Variants in E2F7 observed in about 807,000 individuals in gnomAD.
The protein encoded by E2F7 is E2F transcription factor 7, also known as transcription factor E2F7.
In E2F7, 35 loss-of-function variants were observed where a neutral mutation model predicts 81.1. The ratio of observed to expected loss-of-function variants is 0.43; its 90% CI spans 0.33 to 0.57. E2F7 has a LOEUF of 0.57. E2F7 is among the 20% of genes least tolerant of loss of function. E2F7 has a pLI of 0.04. For synonymous variants in E2F7, 416 were observed against 416.2 expected (o/e 1.00, Z 0.01); for missense variants, 961 against 1,093.7 (o/e 0.88, Z 1.71).
chr12:77,033,724 G>T, intron 8 of E2F7, 133 bp downstream of exon 8: 1 of 837,686 alleles, frequency 1.2e-6, no homozygotes. Flanking sequence ...TAAGTAAAAA[G>T]TAGACCACTG....
At chr12:77,046,456 T>C (rs1192788764) in intron 4 of E2F7, 128 bp from the exon 5 acceptor site, 20 of 991,878 alleles carry the variant, frequency 2.0e-5, no homozygotes, top group Non-Finnish European at 2.6e-5. Flanking sequence ...ACTGCGTGGA[T>C]GCTCAAGGAA....
At chr12:77,030,815 A>G (rs962045287) in intron 9 of E2F7, among the ~76,000 whole-genome samples, 1 of 152,152 alleles carries the variant, frequency 6.6e-6, no homozygotes, top group Admixed American at 6.5e-5. Context: ...GCTGGGCCCC[A>G]TGCCCACATC....
chr12:77,064,538 C>T lies in E2F7; in HGVS notation c.93+5G>A, dbSNP rs763742415. 1 of 1,613,448 alleles carries T rather than the reference C, an allele frequency of 6.2e-7. No homozygotes were observed. On this transcript the variant is annotated splice_donor_5th_base_variant and intron_variant, in intron 2 of 12. Coordinates refer to ENST00000322886, the MANE Select transcript of E2F7 (RefSeq NM_203394.3). Reference sequence around the variant, plus strand: ...TTAGAAACTAAGGTGTTTATGTTTGCTTACCTTTTGTGCATTTTCCCCATC... The same window carrying T: ...TTAGAAACTAAGGTGTTTATGTTTGTTTACCTTTTGTGCATTTTCCCCATC...
chr12:77,042,902 A>C (rs983751325), intron 7 of E2F7, among the ~76,000 whole-genome samples, 163 bp downstream of exon 7: 1 of 152,218 alleles, frequency 6.6e-6, no homozygotes, highest in Non-Finnish European at 1.5e-5. Flanking sequence ...CAGCATGCAC[A>C]ATTTGTAGGC....
chr12:77,054,338 C>CA (rs1955014024), intron 3 of E2F7, among the ~76,000 whole-genome samples: 1 of 151,032 alleles, frequency 6.6e-6, no homozygotes, highest in Non-Finnish European at 1.5e-5. Context: ...TACACACACA[C>CA]AAAAAAATCA....
rs1954937558 is a variant in E2F7 at position 77,046,069 on chromosome 12, T to C, written c.798A>G (p.Leu266=). ...GACAGTCGGGTTCAGAGAAATCCAGTAACTGTTGTTCCTGGGAATCTGGAT... is the reference window on the plus strand; with the variant it reads ...GACAGTCGGGTTCAGAGAAATCCAGCAACTGTTGTTCCTGGGAATCTGGAT... ...DGDPDSQEQQ[L]LDFSEPDCPS... The change falls in exon 5 of 13, where the codon TTA becomes TTG. Residue 266 remains leucine, a synonymous_variant. Coordinates refer to ENST00000322886, the MANE Select transcript of E2F7 (RefSeq NM_203394.3). 3 of 1,614,172 alleles carry C rather than the reference T, an allele frequency of 1.9e-6. No homozygotes were observed. In the African/African-American group the frequency reaches 4.0e-5, roughly 22 times the overall value.
Position 77,024,292 on chromosome 12 carries a change from G to A in E2F7, c.2566-107C>T, listed in dbSNP as rs528448332. On this transcript the variant is annotated intron_variant, in intron 12 of 12. Coordinates refer to ENST00000322886, the MANE Select transcript of E2F7 (RefSeq NM_203394.3). Reference sequence around the variant, plus strand: ...TGTGTGTTAGGATCCCAAGGCAGGCGTTCCTTCTTCTTTGCTTTCTTATCA... The same window carrying A: ...TGTGTGTTAGGATCCCAAGGCAGGCATTCCTTCTTCTTTGCTTTCTTATCA... 44 of 1,248,164 alleles carry A rather than the reference G, an allele frequency of 3.5e-5. No individual in the cohort carries two copies. In the East Asian group the frequency reaches 5.7e-4, roughly 16 times the overall value. 77.3% of individuals were successfully genotyped at this position (1,248,164 alleles called of 1,614,324 possible). A position where few individuals can be genotyped will look rare whatever the true frequency, so the allele number is the denominator to read the frequency against.
intron 3 of E2F7, among the ~76,000 whole-genome samples, chr12:77,052,815 C>A (rs778621008): frequency 6.6e-6 from 1 of 151,506 alleles, no homozygotes; most frequent in African/African-American, 2.4e-5. Flanking sequence ...CCCTACAAAT[C>A]AACATGACAA....
At chr12:77,043,249 C>G in intron 6 of E2F7, 50 bp from the exon 7 acceptor site, 1 of 1,608,968 alleles carries the variant, frequency 6.2e-7, no homozygotes, top group Non-Finnish European at 8.5e-7. Context: ...GACACCATGA[C>G]AGTTTAGTTT....
At chr12:77,050,890 T>C in intron 3 of E2F7, 146 bp from the exon 4 acceptor site, 1 of 799,590 alleles carries the variant, frequency 1.3e-6, no homozygotes, top group Non-Finnish European at 1.9e-6. Context: ...CCTAATCTAA[T>C]TCCCTGAATG....
chr12:77,029,810 C>T, intron 10 of E2F7, 21 bp downstream of exon 10: 1 of 1,612,010 alleles, frequency 6.2e-7, no homozygotes, highest in Non-Finnish European at 8.5e-7. Flanking sequence ...TCACCAGACA[C>T]ATCCACCTGC....
chr12:77,051,143 G>T (rs990277905), intron 3 of E2F7, among the ~76,000 whole-genome samples: 2 of 152,144 alleles, frequency 1.3e-5, no homozygotes, highest in African/African-American at 2.4e-5. Context: ...TTCTAATGAC[G>T]TGGAAGTTTC....
In E2F7 at chr12:77,025,563, G is replaced by A; in HGVS notation, c.2560C>T (p.His854Tyr). The change falls in exon 12 of 13, where the codon CAT (histidine) becomes TAT (tyrosine). Residue 854 changes from histidine to tyrosine, a missense_variant. Coordinates refer to ENST00000322886, the MANE Select transcript of E2F7 (RefSeq NM_203394.3). ...VGHPVSVVKL[H>Y]QSPVPVTPKS... ...CAGGAAACTTCAGGCCTCACCTGAT[G>A]TAATTTTACTACTGAGACTGGATGT... 1 of 1,614,012 alleles carries A rather than the reference G, an allele frequency of 6.2e-7. No homozygotes were observed. Among genetic ancestry groups the A allele is most frequent in the South Asian group, 1.1e-5 (1 of 91,068 alleles).
At chr12:77,034,070 TG>T in intron 7 of E2F7, 28 bp from the exon 8 acceptor site, 3 of 1,589,246 alleles carry the variant, frequency 1.9e-6, no homozygotes, top group Non-Finnish European at 2.6e-6. Context: ...TTGGTAGTGT[TG>T]TTATACAGCT....
intron 7 of E2F7, 61 bp from the exon 8 acceptor site, chr12:77,034,103 C>T: frequency 6.8e-7 from 1 of 1,475,464 alleles, no homozygotes; most frequent in Non-Finnish European, 9.2e-7. Context: ...TAATTTTCGT[C>T]TATTTAAGAG....
chr12:77,034,767 G>A (rs952411469), intron 7 of E2F7, among the ~76,000 whole-genome samples: 3 of 152,214 alleles, frequency 2.0e-5, no homozygotes, highest in African/African-American at 4.8e-5. Context: ...TAAGCTCAAA[G>A]CATGCACATT....
At position 77,030,185 on chromosome 12, in the gene E2F7, C is replaced by A. The variant is rs1292411261; in HGVS notation, c.1530G>T (p.Gln510His). 1 of 1,614,030 alleles carries A rather than the reference C, an allele frequency of 6.2e-7. No homozygotes were observed. Among genetic ancestry groups the A allele is most frequent in the East Asian group, 2.2e-5 (1 of 44,900 alleles). ...TCAGACCGTTCTGCATGGAGAATGC[C>A]TGCAGGTCCGTCTGAGCAACAGAAA... ...PVFSVAQTDL[Q>H]AFSMQNGLNG... Residue 510 changes from glutamine (Q) to histidine (H), a missense_variant, in exon 10 of 13, where the codon CAG becomes CAT. By Grantham distance (24) the Gln-to-His change is conservative (BLOSUM62 0). Around this residue, in one of 3 missense-constraint regions of E2F7, gnomAD observed 587 missense variants for 620.3 expected, o/e 0.95. Transcript: ENST00000322886.
At chr12:77,036,726 G>A (rs1631514) in intron 7 of E2F7, among the ~76,000 whole-genome samples, 11,944 of 150,932 alleles carry the variant, frequency 0.079, 685 homozygotes, top group Middle Eastern at 0.17. Context: ...ACCACCTGGC[G>A]TCAACCTAGA....
intron 2 of E2F7, among the ~76,000 whole-genome samples, chr12:77,058,474 T>A (rs1955052518): frequency 2.6e-5 from 4 of 152,100 alleles, no homozygotes; most frequent in Admixed American, 6.5e-5. Flanking sequence ...GGGCACAAAC[T>A]GGGAGGAAGT....
Sources: gnomAD v4.1 joint callset for allele counts (sites outside exome capture counted in the v4.1 genomes callset) on GRCh38, gnomAD v4.1.1 for gene constraint, gnomAD v4.1.1 regional missense constraint, MANE v1.5 for transcripts, NCBI Gene and HGNC (gene_info 2026-07-23, HGNC 2026-07-21) for gene names.